The following WDR27 variants were observed in gnomAD, a reference collection of about 807,000 sequenced individuals.
WDR27 encodes the protein WD repeat-containing protein 27.
A neutral mutation model predicts 114.4 loss-of-function variants in WDR27; 100 were observed. The observed-to-expected ratio is 0.87, with a 90% confidence interval of 0.74 to 1.03. WDR27 has a LOEUF of 1.03. WDR27 is among the 50% of genes least tolerant of loss of function. The pLI is 0.00. For synonymous variants in WDR27, 449 were observed against 423.1 expected, an observed-to-expected ratio of 1.06 and a Z score of -0.75; for missense variants, 1,129 against 1,092.9, an observed-to-expected ratio of 1.03 and a Z score of -0.47.
intron 25 of WDR27, among the ~76,000 whole-genome samples, chr6:169,529,171 C>T (rs1294226376): frequency 1.3e-5 from 2 of 151,986 alleles, no homozygotes; most frequent in Non-Finnish European, 2.9e-5. Context: ...GGTGAAAAAT[C>T]AGGCTAAAAA....
intron 25 of WDR27, among the ~76,000 whole-genome samples, chr6:169,552,539 T>C (rs1798294250): frequency 6.6e-6 from 1 of 152,206 alleles, no homozygotes; most frequent in Non-Finnish European, 1.5e-5. Flanking sequence ...AATATTTCAC[T>C]GATGAAACTA....
At chr6:169,672,055 T>C in intron 3 of WDR27, 200 bp downstream of exon 3, 1 of 484,540 alleles carries the variant, frequency 2.1e-6, no homozygotes, top group Non-Finnish European at 3.6e-6. Context: ...TCCGTAAGTC[T>C]GAATGGCCTG....
the WDR27 span, among the ~76,000 whole-genome samples, chr6:169,449,910 C>T: frequency 1.3e-4 from 20 of 152,044 alleles, no homozygotes; most frequent in Admixed American, 3.3e-4. Flanking sequence ...AGCAACAGAG[C>T]GAGAAAGAAG....
At chr6:169,615,997 C>T (rs1811732815) in intron 21 of WDR27, among the ~76,000 whole-genome samples, 2 of 147,716 alleles carry the variant, frequency 1.4e-5, no homozygotes, top group Non-Finnish European at 3.0e-5. Flanking sequence ...GCGCAAACAG[C>T]ACACGCGAAC....
intron 25 of WDR27, among the ~76,000 whole-genome samples, chr6:169,465,057 A>C (rs1314035002): frequency 1.3e-5 from 2 of 151,714 alleles, no homozygotes; most frequent in African/African-American, 4.8e-5. Context: ...TCAGGAGTTC[A>C]AGAGCAGCCT....
At chr6:169,583,807 CAATATGATTTT>C (rs1221374067) in intron 23 of WDR27, among the ~76,000 whole-genome samples, 3 of 151,938 alleles carry the variant, frequency 2.0e-5, no homozygotes, top group African/African-American at 7.3e-5. Context: ...TTGAAGTTTG[CAATATGATTTT>C]ATGGGATCCA....
intron 25 of WDR27, among the ~76,000 whole-genome samples, chr6:169,548,423 C>T (rs1797722157): frequency 6.6e-6 from 1 of 151,396 alleles, no homozygotes; most frequent in Non-Finnish European, 1.5e-5. Flanking sequence ...TGAATTTTAC[C>T]AACACCAAGA....
At chr6:169,490,343 C>T (rs980755660) in intron 25 of WDR27, among the ~76,000 whole-genome samples, 5 of 152,328 alleles carry the variant, frequency 3.3e-5, no homozygotes, top group African/African-American at 1.2e-4. Flanking sequence ...GAACACTGTG[C>T]CAGTGTGTTT....
At chr6:169,514,031 C>T (rs1333277509) in intron 25 of WDR27, among the ~76,000 whole-genome samples, 6 of 152,120 alleles carry the variant, frequency 3.9e-5, no homozygotes, top group African/African-American at 1.4e-4. Context: ...TGGCAATCTA[C>T]ATTGATTGCT....
At chr6:169,440,868 G>A in the WDR27 span, among the ~76,000 whole-genome samples, 4 of 152,154 alleles carry the variant, frequency 2.6e-5, no homozygotes, top group Admixed American at 1.3e-4. Context: ...GCTACAACAA[G>A]TCTTCCCACT....
intron 21 of WDR27, among the ~76,000 whole-genome samples, chr6:169,616,288 G>C (rs928215340): frequency 1.3e-5 from 2 of 152,172 alleles, no homozygotes; most frequent in Non-Finnish European, 2.9e-5. Context: ...AAGAGATCGA[G>C]ACCAGCCTGG....
chr6:169,635,554 G>A (rs1036323655), intron 19 of WDR27, among the ~76,000 whole-genome samples: 2 of 152,180 alleles, frequency 1.3e-5, no homozygotes, highest in African/African-American at 2.4e-5. Context: ...ATGAGAGTGG[G>A]GATGCTCTCA....
chr6:169,564,052 C>A (rs1263409644), intron 25 of WDR27, among the ~76,000 whole-genome samples: 1 of 152,222 alleles, frequency 6.6e-6, no homozygotes, highest in African/African-American at 2.4e-5. Context: ...AGCAAGGAAG[C>A]CAGACCAAGT....
the WDR27 span, among the ~76,000 whole-genome samples, chr6:169,451,928 TATA>T: frequency 1.1e-4 from 17 of 152,376 alleles, no homozygotes; most frequent in Non-Finnish European, 2.4e-4. Flanking sequence ...TTTTGGCTGA[TATA>T]ATATTGTAAA....
chr6:169,624,777 C>T (rs1369538997), intron 21 of WDR27, among the ~76,000 whole-genome samples: 9 of 152,252 alleles, frequency 5.9e-5, no homozygotes, highest in Non-Finnish European at 1.2e-4. Flanking sequence ...TGATGCCTGG[C>T]CCATGAGACA....
At chr6:169,603,515 C>T (rs1278676764) in intron 22 of WDR27, among the ~76,000 whole-genome samples, 1 of 152,222 alleles carries the variant, frequency 6.6e-6, no homozygotes, top group Non-Finnish European at 1.5e-5. Context: ...CACATTTTCT[C>T]TGCATATGCA....
chr6:169,682,612 A>G (rs577634904), intron 2 of WDR27, among the ~76,000 whole-genome samples: 3 of 152,240 alleles, frequency 2.0e-5, no homozygotes, highest in Non-Finnish European at 2.9e-5. Flanking sequence ...AGGCACAAAC[A>G]AAGCCAGACT....
At chr6:169,468,521 G>C (rs1247798143) in intron 25 of WDR27, among the ~76,000 whole-genome samples, 1 of 152,174 alleles carries the variant, frequency 6.6e-6, no homozygotes, top group Non-Finnish European at 1.5e-5. Flanking sequence ...GCTATCATGA[G>C]AATAGCATGG....
chr6:169,657,504 G>A (rs1041753842), intron 13 of WDR27, among the ~76,000 whole-genome samples: 2 of 152,316 alleles, frequency 1.3e-5, no homozygotes, highest in South Asian at 2.1e-4. Flanking sequence ...CCAGCAGTCA[G>A]GCAGCTACCA....
Sources: allele counts gnomAD v4.1 joint callset (sites outside exome capture counted in the v4.1 genomes callset), GRCh38; gene constraint gnomAD v4.1.1; transcripts MANE v1.5; gene names NCBI Gene and HGNC (gene_info 2026-07-23, HGNC 2026-07-21).